SDR42E2: variants seen among roughly 807,000 people sequenced by gnomAD.
The protein encoded by SDR42E2 is putative short-chain dehydrogenase/reductase family 42E member 2.
SDR42E2 carries 20 observed loss-of-function variants against 10.5 expected under a neutral mutation model. The observed-to-expected ratio is 1.90, with a 90% confidence interval of 1.34 to 2.77. The LOEUF (loss-of-function observed/expected upper bound fraction) is 2.77, where lower values mean the gene tolerates loss of function less well. Ranked by LOEUF, SDR42E2 falls within the 30% of genes most tolerant of loss-of-function variation. The pLI is 0.00. For synonymous variants in SDR42E2, 72 were observed against 39.2 expected, an observed-to-expected ratio of 1.84 and a Z score of -3.12; for missense variants, 162 against 104.2, an observed-to-expected ratio of 1.55 and a Z score of -2.42.
intron 7 of SDR42E2, among the ~76,000 whole-genome samples, chr16:22,174,332 C>CAAT (rs1268020175): frequency 2.6e-5 from 4 of 151,708 alleles, no homozygotes; most frequent in Admixed American, 1.3e-4. Context: ...GACTCCATCT[C>CAAT]AATAATAATA....
chr16:22,180,298 G>A (rs1432047571), intron 8 of SDR42E2, among the ~76,000 whole-genome samples: 1 of 152,112 alleles, frequency 6.6e-6, no homozygotes, highest in Non-Finnish European at 1.5e-5. Context: ...ATTTTGGGAG[G>A]CTGAGATGGG....
In SDR42E2 at chr16:22,169,518, C is replaced by G; in HGVS notation, c.394+16C>G. 1 of 703,434 alleles carries G rather than the reference C, an allele frequency of 1.4e-6. No individual in the cohort carries two copies. Among genetic ancestry groups the G allele is most frequent in the South Asian group, 1.5e-5 (1 of 67,598 alleles). The allele number at this position is 703,434 out of a possible 1,614,324, so 43.6% of individuals were successfully genotyped here. A position where few individuals can be genotyped will look rare whatever the true frequency, so the allele number is the denominator to read the frequency against. ...GTGATTGATGGTAGGTGCTCAGAGC[C>G]GGGTATGACCTGCTGTGCCTCTCCC... On this transcript the variant is annotated intron_variant, in intron 5 of 12. Coordinates refer to ENST00000602312, the MANE Select transcript of SDR42E2 (RefSeq NM_001394319.2).
chr16:22,176,062 A>G (rs918177057), intron 7 of SDR42E2, among the ~76,000 whole-genome samples: 2 of 152,128 alleles, frequency 1.3e-5, no homozygotes, highest in African/African-American at 4.8e-5. Context: ...GTTCTATAGC[A>G]CTATATAGTG....
At chr16:22,166,026 G>A (rs2046534384) in intron 2 of SDR42E2, among the ~76,000 whole-genome samples, 1 of 151,954 alleles carries the variant, frequency 6.6e-6, no homozygotes, top group Admixed American at 6.6e-5. Flanking sequence ...TAGGAGGTGG[G>A]TTGGGACCTG....
chr16:22,176,703 G>A (rs763552948), intron 7 of SDR42E2, among the ~76,000 whole-genome samples: 9 of 152,172 alleles, frequency 5.9e-5, no homozygotes, highest in Non-Finnish European at 1.0e-4. Flanking sequence ...GATTACAGGC[G>A]TGAGCCACTG....
chr16:22,176,623 A>G (rs1484953935), intron 7 of SDR42E2, among the ~76,000 whole-genome samples: 1 of 152,236 alleles, frequency 6.6e-6, no homozygotes, highest in Non-Finnish European at 1.5e-5. Flanking sequence ...GAGACTCACT[A>G]TGTTGCCCAG....
At chr16:22,177,037 A>G (rs759267745) in intron 7 of SDR42E2, among the ~76,000 whole-genome samples, 20 of 152,188 alleles carry the variant, frequency 1.3e-4, no homozygotes, top group African/African-American at 2.9e-4. Flanking sequence ...GACAGGGTTC[A>G]CTGTTTGCCT....
At chr16:22,177,816 T>G (rs2046657521) in intron 7 of SDR42E2, among the ~76,000 whole-genome samples, 1 of 151,750 alleles carries the variant, frequency 6.6e-6, no homozygotes, top group East Asian at 1.9e-4. Flanking sequence ...GTGCAGATGT[T>G]TGCATCTGGC....
intron 7 of SDR42E2, among the ~76,000 whole-genome samples, chr16:22,176,575 T>C (rs2046646422): frequency 1.3e-5 from 2 of 152,188 alleles, no homozygotes; most frequent in Admixed American, 1.3e-4. Context: ...CTGAATACTT[T>C]GTAGGTGTTA....
chr16:22,183,934 CA>C (rs60806108), intron 10 of SDR42E2, among the ~76,000 whole-genome samples: 15,078 of 129,378 alleles, frequency 0.12, 1,948 homozygotes, highest in African/African-American at 0.32. Context: ...TGATTCTCTG[CA>C]AAAAAAAAAA....
chr16:22,172,452 T>C (rs1185175979), intron 7 of SDR42E2, 121 bp downstream of exon 7: 3 of 675,974 alleles, frequency 4.4e-6, no homozygotes, highest in South Asian at 3.2e-5. Flanking sequence ...AAGGACGGTT[T>C]CCCAGGGCCT....
intron 5 of SDR42E2, among the ~76,000 whole-genome samples, chr16:22,170,155 G>C (rs1320204948): frequency 6.6e-6 from 1 of 151,784 alleles, no homozygotes; most frequent in South Asian, 2.1e-4. Context: ...GGGAGTTCGG[G>C]GCTAGACTGA....
At chr16:22,174,696 G>A (rs778436233) in intron 7 of SDR42E2, among the ~76,000 whole-genome samples, 3 of 152,064 alleles carry the variant, frequency 2.0e-5, no homozygotes, top group Non-Finnish European at 2.9e-5. Flanking sequence ...AGCCAGCCCA[G>A]TAGCCTGTAC....
chr16:22,179,409 C>T (rs567044679), intron 8 of SDR42E2, among the ~76,000 whole-genome samples: 18 of 152,260 alleles, frequency 1.2e-4, no homozygotes, highest in Middle Eastern at 3.4e-3. Context: ...GTATGTGCCC[C>T]GCACTGTTCT....
chr16:22,185,694 A>G (rs981163885), intron 11 of SDR42E2, among the ~76,000 whole-genome samples: 6 of 151,508 alleles, frequency 4.0e-5, no homozygotes, highest in African/African-American at 1.5e-4. Flanking sequence ...TGCAGACTCA[A>G]CCTCCTGGGC....
chr16:22,163,799 G>A (rs937932525), intron 1 of SDR42E2, among the ~76,000 whole-genome samples: 1 of 152,086 alleles, frequency 6.6e-6, no homozygotes, highest in African/African-American at 2.4e-5. Flanking sequence ...CAGTAACAGA[G>A]GAAATTAAAA....
At chr16:22,175,540 C>CTTT (rs759069697) in intron 7 of SDR42E2, among the ~76,000 whole-genome samples, 1 of 137,036 alleles carries the variant, frequency 7.3e-6, no homozygotes, top group Non-Finnish European at 1.6e-5. Flanking sequence ...ACACTCCTTC[C>CTTT]TTTTTTTTTT....
At chr16:22,189,950 G>A (rs1055271667) in intron 12 of SDR42E2, among the ~76,000 whole-genome samples, 189 bp from the exon 13 acceptor site, 27 of 152,338 alleles carry the variant, frequency 1.8e-4, no homozygotes, top group Middle Eastern at 3.4e-3. Flanking sequence ...AAATGAACAT[G>A]TAAGGAAGAA....
chr16:22,165,793 A>C (rs2046530194), intron 2 of SDR42E2, among the ~76,000 whole-genome samples, 156 bp downstream of exon 2: 2 of 152,168 alleles, frequency 1.3e-5, no homozygotes, highest in African/African-American at 4.8e-5. Flanking sequence ...GGGTTCTGGT[A>C]CTGTTCCGAG....
Sources: allele counts gnomAD v4.1 joint callset (sites outside exome capture counted in the v4.1 genomes callset), GRCh38; gene constraint gnomAD v4.1.1; transcripts MANE v1.5; gene names NCBI Gene and HGNC (gene_info 2026-07-23, HGNC 2026-07-21).